Variants in IPCEF1 observed in about 807,000 individuals in gnomAD.
The protein encoded by IPCEF1 is interactor protein for cytohesin exchange factors 1.
A neutral mutation model predicts 50.9 loss-of-function variants in IPCEF1; 31 were observed. The observed-to-expected ratio is 0.61, with a 90% CI of 0.46 to 0.82. The LOEUF is 0.82. IPCEF1 is among the 40% of genes least tolerant of loss of function. The pLI is 0.00. For synonymous variants in IPCEF1, 181 were observed against 192.0 expected (o/e 0.94, Z 0.47); for missense variants, 458 against 514.0 (o/e 0.89, Z 1.05).
chr6:154,190,096 A>G (rs1365849603), intron 10 of IPCEF1, among the ~76,000 whole-genome samples: 1 of 152,204 alleles, frequency 6.6e-6, no homozygotes, highest in African/African-American at 2.4e-5. Context: ...TGTACTTCCT[A>G]TACTTATATT....
intron 1 of IPCEF1, among the ~76,000 whole-genome samples, chr6:154,320,929 T>A (rs1406096907): frequency 6.6e-6 from 1 of 152,176 alleles, no homozygotes; most frequent in African/African-American, 2.4e-5. Context: ...TGTATATTCA[T>A]GAATTCTTTT....
intron 1 of IPCEF1, among the ~76,000 whole-genome samples, chr6:154,293,907 A>G (rs576519272): frequency 2.4e-4 from 36 of 152,330 alleles, no homozygotes; most frequent in African/African-American, 8.2e-4. Flanking sequence ...TTAATAGAAC[A>G]TGTATCATTC....
chr6:154,314,884 C>T (rs111844591), intron 1 of IPCEF1, among the ~76,000 whole-genome samples: 266 of 138,054 alleles, frequency 1.9e-3, no homozygotes, highest in African/African-American at 6.3e-3. Context: ...AGTGTGATTA[C>T]TTTTTTTTTT....
At chr6:154,236,956 C>A (rs1251568218) in intron 5 of IPCEF1, among the ~76,000 whole-genome samples, 2 of 152,202 alleles carry the variant, frequency 1.3e-5, no homozygotes, top group Non-Finnish European at 2.9e-5. Flanking sequence ...TCCCTAAATT[C>A]TGACTCCTTA....
chr6:154,295,524 C>T (rs1782626304), intron 1 of IPCEF1, among the ~76,000 whole-genome samples: 1 of 152,052 alleles, frequency 6.6e-6, no homozygotes, highest in Non-Finnish European at 1.5e-5. Context: ...TCCATAGTGG[C>T]ACACACTTTG....
At chr6:154,326,062 C>T (rs913803638) in intron 1 of IPCEF1, among the ~76,000 whole-genome samples, 2 of 151,828 alleles carry the variant, frequency 1.3e-5, no homozygotes, top group African/African-American at 4.8e-5. Flanking sequence ...CCCATCTCTA[C>T]AAAAAATACA....
At chr6:154,333,655 T>C (rs933721143) in intron 1 of IPCEF1, among the ~76,000 whole-genome samples, 1 of 151,492 alleles carries the variant, frequency 6.6e-6, no homozygotes, top group Non-Finnish European at 1.5e-5. Context: ...CATGTATACA[T>C]ATATGTGTAT....
chr6:154,299,735 C>T (rs547205543), intron 1 of IPCEF1, among the ~76,000 whole-genome samples: 1 of 140,406 alleles, frequency 7.1e-6, no homozygotes, highest in East Asian at 2.0e-4. Context: ...ACATCCTGCA[C>T]ATGTATCCTG....
chr6:154,223,254 T>C lies in IPCEF1; in HGVS notation c.247-11A>G, dbSNP rs779836074. On this transcript the variant is annotated splice_polypyrimidine_tract_variant and intron_variant, in intron 5 of 11. Coordinates refer to ENST00000367220, the MANE Select transcript of IPCEF1 (RefSeq NM_001130700.2). ...ATCAGCTTTCTCTGCCTGAAACAAA[T>C]ATATACCACAAATAGGAATGAATGC... 2 of 1,604,284 alleles carry C rather than the reference T, an allele frequency of 1.2e-6. No individual in the cohort carries two copies. Among genetic ancestry groups the C allele is most frequent in the Non-Finnish European group, 1.7e-6 (2 of 1,173,312 alleles).
At chr6:154,325,072 A>T (rs1183020229) in intron 1 of IPCEF1, among the ~76,000 whole-genome samples, 1 of 152,236 alleles carries the variant, frequency 6.6e-6, no homozygotes, top group Admixed American at 6.5e-5. Flanking sequence ...GGCAGTTCAT[A>T]GAAAGGAAAC....
intron 1 of IPCEF1, among the ~76,000 whole-genome samples, chr6:154,303,149 T>C (rs1782842792): frequency 7.0e-6 from 1 of 142,130 alleles, no homozygotes; most frequent in Non-Finnish European, 1.5e-5. Context: ...TGGAGTGCAA[T>C]GGCACAATCT....
intron 11 of IPCEF1, among the ~76,000 whole-genome samples, chr6:154,167,225 T>A (rs1370674140): frequency 6.6e-6 from 1 of 152,240 alleles, no homozygotes; most frequent in Non-Finnish European, 1.5e-5. Context: ...CTCCACCTGT[T>A]CATGTTATAA....
intron 1 of IPCEF1, among the ~76,000 whole-genome samples, chr6:154,341,691 G>T (rs1300603813): frequency 6.6e-6 from 1 of 152,076 alleles, no homozygotes; most frequent in Non-Finnish European, 1.5e-5. Flanking sequence ...AATGCGTAAG[G>T]AAAGATAAAA....
intron 5 of IPCEF1, among the ~76,000 whole-genome samples, chr6:154,241,303 G>C (rs1402189891): frequency 6.6e-6 from 1 of 150,960 alleles, no homozygotes; most frequent in Non-Finnish European, 1.5e-5. Flanking sequence ...TCTAGTCAAG[G>C]CTCAGGGGCC....
chr6:154,285,062 G>A (rs1388697639), intron 2 of IPCEF1, among the ~76,000 whole-genome samples: 2 of 152,134 alleles, frequency 1.3e-5, no homozygotes, highest in Non-Finnish European at 2.9e-5. Flanking sequence ...ACACCGTCTA[G>A]TCTAATAAGA....
At chr6:154,188,095 TATG>T (rs1200375330) in intron 10 of IPCEF1, among the ~76,000 whole-genome samples, 1 of 152,196 alleles carries the variant, frequency 6.6e-6, no homozygotes, top group Non-Finnish European at 1.5e-5. Context: ...TTTGTAGAAA[TATG>T]ATCATATACA....
intron 10 of IPCEF1, among the ~76,000 whole-genome samples, chr6:154,194,322 G>A (rs1007990859): frequency 5.9e-5 from 9 of 152,040 alleles, no homozygotes; most frequent in African/African-American, 1.7e-4. Context: ...TCACTTGAAC[G>A]CAGGAGGCAG....
rs187959337 is a variant in IPCEF1, at chr6:154,267,089, T to G, written c.-17-1125A>C. Reference sequence around the variant, plus strand: ...ATTTATTGGTAAAATGTGAAAGAGATAAACCACAATAAAAGGACTGATAAA... The same window carrying G: ...ATTTATTGGTAAAATGTGAAAGAGAGAAACCACAATAAAAGGACTGATAAA... On this transcript the variant is annotated intron_variant, in intron 2 of 11. Transcript: ENST00000367220. Among the ~76,000 whole-genome samples the G allele has an allele frequency of 2.9e-4, 44 of 151,996 alleles. 1 individual carries two copies. Among genetic ancestry groups the G allele is most frequent in the African/African-American group, 9.6e-4 (40 of 41,474 alleles).
intron 10 of IPCEF1, among the ~76,000 whole-genome samples, chr6:154,183,331 T>C (rs933656989): frequency 1.3e-5 from 2 of 152,206 alleles, no homozygotes; most frequent in Non-Finnish European, 2.9e-5. Flanking sequence ...ATGACTATTA[T>C]CTACTGCAAT....
Sources: gnomAD v4.1 joint callset for allele counts (sites outside exome capture counted in the v4.1 genomes callset) on GRCh38, gnomAD v4.1.1 for gene constraint, MANE v1.5 for transcripts, NCBI Gene and HGNC (gene_info 2026-07-23, HGNC 2026-07-21) for gene names.